Variants in PCDH11X observed in about 807,000 individuals in gnomAD.
The protein encoded by PCDH11X is protocadherin 11 X-linked, also known as protocadherin-11 X-linked.
Under a neutral mutation model 53.3 loss-of-function variants are expected in PCDH11X, and 18 were observed. The ratio of observed to expected loss-of-function variants is 0.34; its 90% CI spans 0.23 to 0.50. PCDH11X has a LOEUF of 0.50. Ranked by LOEUF, PCDH11X falls within the 20% of genes least tolerant of loss-of-function variation. PCDH11X has a pLI of 0.98. For missense variants in PCDH11X, 570 were observed against 1,032.4 expected (o/e 0.55, Z 6.14); for synonymous variants, 279 against 393.3 (o/e 0.71, Z 3.44).
chrX:92,174,376 G>A (rs2065872496), intron 6 of PCDH11X, among the ~76,000 whole-genome samples: 1 of 111,508 alleles, frequency 9.0e-6, no homozygotes, highest in African/African-American at 3.3e-5. Flanking sequence ...TCTTGGAACG[G>A]AGGCTACCAA....
intron 6 of PCDH11X, among the ~76,000 whole-genome samples, chrX:92,011,282 CT>C (rs1349643167): frequency 8.9e-6 from 1 of 111,811 alleles, no homozygotes; most frequent in African/African-American, 3.2e-5. Flanking sequence ...CTGTTTTAAG[CT>C]CTTTGAGTAA....
intron 4 of PCDH11X, among the ~76,000 whole-genome samples, chrX:91,824,554 G>T (rs775365901): frequency 2.8e-5 from 3 of 107,526 alleles, no homozygotes; most frequent in Non-Finnish European, 3.8e-5. Context: ...CTCTGTATTG[G>T]TTATTCTAGT....
chrX:92,148,093 T>C (rs865912960), intron 6 of PCDH11X, among the ~76,000 whole-genome samples: 12 of 21,224 alleles, frequency 5.7e-4, no homozygotes, highest in African/African-American at 1.6e-3. Flanking sequence ...TTTCTTTCTT[T>C]CTTTCTTTCT....
At chrX:92,597,766 GC>G (rs1425981092) in intron 10 of PCDH11X, among the ~76,000 whole-genome samples, 2 of 111,300 alleles carry the variant, frequency 1.8e-5, no homozygotes, top group Non-Finnish European at 3.8e-5. Context: ...TATATTACCT[GC>G]CTTCAAATTA....
chrX:92,575,697 C>A (rs2148778763), intron 10 of PCDH11X, among the ~76,000 whole-genome samples: 1 of 105,943 alleles, frequency 9.4e-6, no homozygotes, highest in African/African-American at 3.4e-5. Context: ...CCTCATTCTT[C>A]CCAAATTCCA....
chrX:92,158,767 C>T (rs1259056319), intron 6 of PCDH11X, among the ~76,000 whole-genome samples: 3 of 110,185 alleles, frequency 2.7e-5, no homozygotes, highest in Non-Finnish European at 5.7e-5. Flanking sequence ...TCCCGAGTAG[C>T]TGAGGTTACA....
At chrX:92,096,943 G>A (rs1337775761) in intron 6 of PCDH11X, among the ~76,000 whole-genome samples, 2 of 111,552 alleles carry the variant, frequency 1.8e-5, no homozygotes, top group Non-Finnish European at 3.8e-5. Context: ...GGAAAAGTTA[G>A]GATTAAAGTG....
chrX:92,481,779 G>C (rs1285834200), intron 10 of PCDH11X, among the ~76,000 whole-genome samples: 1 of 110,493 alleles, frequency 9.1e-6, no homozygotes, highest in Admixed American at 9.6e-5. Flanking sequence ...TGGATGAAAG[G>C]CTGCCCTTAC....
chrX:92,017,536 A>AT (rs1426263156), intron 6 of PCDH11X, among the ~76,000 whole-genome samples: 1 of 25,138 alleles, frequency 4.0e-5, no homozygotes, highest in Non-Finnish European at 6.1e-5. Flanking sequence ...TTGTCTCTAT[A>AT]AAAAAAAAAA....
intron 10 of PCDH11X, among the ~76,000 whole-genome samples, chrX:92,558,647 A>G (rs1441279740): frequency 9.1e-6 from 1 of 110,197 alleles, no homozygotes; most frequent in Admixed American, 9.7e-5. Context: ...AAACTCTTGG[A>G]AAAATATTGG....
chrX:92,530,505 A>G (rs1252618549), intron 10 of PCDH11X, among the ~76,000 whole-genome samples: 1 of 112,113 alleles, frequency 8.9e-6, no homozygotes, highest in Non-Finnish European at 1.9e-5. Flanking sequence ...CATTTTCCTA[A>G]TTCTATGTAA....
intron 6 of PCDH11X, among the ~76,000 whole-genome samples, chrX:92,173,701 T>C (rs1351932379): frequency 9.1e-6 from 1 of 110,343 alleles, no homozygotes; most frequent in Non-Finnish European, 1.9e-5. Context: ...AAGGATGTAA[T>C]GAGAAAGTCC....
At chrX:92,230,406 A>T (rs1434705966) in intron 7 of PCDH11X, among the ~76,000 whole-genome samples, 3 of 84,902 alleles carry the variant, frequency 3.5e-5, no homozygotes, top group Non-Finnish European at 6.7e-5. Context: ...AAGAATGTCT[A>T]TGAATATATA....
At chrX:92,218,818 T>A (rs1295245574) in intron 7 of PCDH11X, among the ~76,000 whole-genome samples, 3 of 111,399 alleles carry the variant, frequency 2.7e-5, no homozygotes, top group Non-Finnish European at 5.7e-5. Context: ...GCAAACCGAA[T>A]CCAGCAGCAC....
chrX:92,096,735 T>C (rs1193119440), intron 6 of PCDH11X, among the ~76,000 whole-genome samples: 1 of 110,195 alleles, frequency 9.1e-6, no homozygotes, highest in Non-Finnish European at 1.9e-5. Context: ...ATGAGACTTA[T>C]TAAGTACCAC....
intron 8 of PCDH11X, among the ~76,000 whole-genome samples, chrX:92,356,205 A>G (rs1378874581): frequency 8.9e-6 from 1 of 111,870 alleles, no homozygotes; most frequent in Non-Finnish European, 1.9e-5. Context: ...TTCCTTTGCC[A>G]GCAAAGAAAC....
intron 6 of PCDH11X, among the ~76,000 whole-genome samples, chrX:92,136,464 A>C (rs1196486580): frequency 9.2e-6 from 1 of 109,169 alleles, no homozygotes; most frequent in Non-Finnish European, 1.9e-5. Context: ...TACATGTATT[A>C]AATGGTTAAA....
intron 8 of PCDH11X, among the ~76,000 whole-genome samples, chrX:92,308,219 G>A (rs1302520447): frequency 9.0e-6 from 1 of 110,845 alleles, no homozygotes; most frequent in Non-Finnish European, 1.9e-5. Context: ...AGAACGAAGT[G>A]GGAGGCCTAA....
At chrX:92,104,310 T>C (rs1486337827) in intron 6 of PCDH11X, among the ~76,000 whole-genome samples, 1 of 109,321 alleles carries the variant, frequency 9.1e-6, no homozygotes, top group Non-Finnish European at 1.9e-5. Flanking sequence ...GATGGGTCTG[T>C]AGAAAAGGAA....
Sources: gnomAD v4.1 joint callset for allele counts (sites outside exome capture counted in the v4.1 genomes callset) on GRCh38, gnomAD v4.1.1 for gene constraint, MANE v1.5 for transcripts, NCBI Gene and HGNC (gene_info 2026-07-23, HGNC 2026-07-21) for gene names.